Variants in PCNX1 observed in about 807,000 individuals in gnomAD.
PCNX1 encodes pecanex 1.
Under a neutral mutation model 242.2 loss-of-function variants are expected in PCNX1, and 78 were observed. The ratio of observed to expected loss-of-function variants is 0.32; its 90% CI spans 0.27 to 0.39. The LOEUF (loss-of-function observed/expected upper bound fraction) is 0.39, where lower values mean the gene tolerates loss of function less well. PCNX1 is among the 10% of genes least tolerant of loss of function. The pLI is 1.00. For missense variants in PCNX1, 2,581 were observed against 2,856.5 expected (o/e 0.90, Z 2.20); for synonymous variants, 1,024 against 1,032.9 (o/e 0.99, Z 0.17).
rs375891373 is a variant in PCNX1, at chr14:70,917,089, C to T, written c.153+9086C>T. ...GTTGTGTCATGAGATTACAGCAATC[C>T]AGTCACATCTTCAGGCTCTACTTCC... is the stretch of plus-strand genomic sequence containing the variant. On this transcript the variant is annotated intron_variant, in intron 1 of 35. Transcript: ENST00000304743. 4.6e-5 allele frequency among the ~76,000 whole-genome samples: 7 copies of T among 152,342 alleles called. No homozygotes were observed. In the East Asian group the frequency reaches 5.8e-4, roughly 13 times the overall value.
rs2058738474 is a variant in PCNX1, at chr14:70,978,229, A to G, written c.1892A>G (p.His631Arg). The change falls in exon 6 of 36, where the codon CAT (histidine) becomes CGT (arginine). Residue 631 changes from histidine (H) to arginine (R), a missense_variant. His to Arg is a conservative substitution (Grantham distance 29). Coordinates refer to ENST00000304743, the MANE Select transcript of PCNX1 (RefSeq NM_014982.3). ...GATAGCTCTTCTAGCACCACTTCTC[A>G]TTCCTGTCAGTCTCCTGAGGGCAGA... ...SSDSSSSTTS[H>R]SCQSPEGRYS... The G allele has an allele frequency of 2.5e-6, 4 of 1,613,974 alleles. No homozygotes were observed. In the South Asian group the frequency reaches 3.3e-5, roughly 13 times the overall value.
At chr14:71,074,894 G>A (rs1003349820) in intron 27 of PCNX1, among the ~76,000 whole-genome samples, 8 of 152,004 alleles carry the variant, frequency 5.3e-5, no homozygotes, top group Non-Finnish European at 1.0e-4. Context: ...GTCACTTAGG[G>A]GCTTCCAGGT....
At chr14:71,103,719 T>TA (rs1271994142) in intron 32 of PCNX1, 50 bp downstream of exon 32, 4 of 1,566,704 alleles carry the variant, frequency 2.6e-6, no homozygotes, top group Non-Finnish European at 3.5e-6. Context: ...CTGACCCTCT[T>TA]AATCTAGGCA....
chr14:71,109,760 C>T (rs746785384), intron 35 of PCNX1, 35 bp from the exon 36 acceptor site: 3 of 1,610,160 alleles, frequency 1.9e-6, no homozygotes, highest in Non-Finnish European at 8.5e-7. Flanking sequence ...TCCAGGTCTC[C>T]AGTGCTAACT....
intron 30 of PCNX1, among the ~76,000 whole-genome samples, chr14:71,099,787 T>C (rs1467898263): frequency 6.6e-6 from 1 of 152,238 alleles, no homozygotes; most frequent in Non-Finnish European, 1.5e-5. Context: ...GTAGGATAGT[T>C]ATGTCTTCTT....
chr14:71,053,538 G>T (rs1373557411), intron 24 of PCNX1: 4 of 298,346 alleles, frequency 1.3e-5, no homozygotes, highest in Non-Finnish European at 1.3e-5. Context: ...GGCTGGTCTT[G>T]AACTTCTGAG....
At chr14:70,940,799 C>T (rs1000995893) in intron 1 of PCNX1, among the ~76,000 whole-genome samples, 1 of 152,168 alleles carries the variant, frequency 6.6e-6, no homozygotes, top group African/African-American at 2.4e-5. Flanking sequence ...CACATAGTCC[C>T]ATATTTCTTG....
intron 19 of PCNX1, 24 bp downstream of exon 19, chr14:71,036,181 A>T (rs754529553): frequency 6.9e-7 from 1 of 1,447,342 alleles, no homozygotes; most frequent in African/African-American, 1.4e-5. Flanking sequence ...TTCTCCTTTT[A>T]TTTGTTTGTT....
intron 1 of PCNX1, among the ~76,000 whole-genome samples, chr14:70,924,193 C>T (rs185155341): frequency 9.2e-5 from 13 of 142,024 alleles, no homozygotes; most frequent in Middle Eastern, 3.8e-3. Context: ...GATTGTGCCA[C>T]TGCACTCCAG....
intron 1 of PCNX1, among the ~76,000 whole-genome samples, chr14:70,914,030 C>CT (rs1335211168): frequency 6.6e-6 from 1 of 152,086 alleles, no homozygotes; most frequent in Non-Finnish European, 1.5e-5. Context: ...AGATATAACT[C>CT]TTATGTATTA....
intron 16 of PCNX1, among the ~76,000 whole-genome samples, chr14:71,029,713 T>G (rs1010221086): frequency 6.6e-6 from 1 of 152,170 alleles, no homozygotes; most frequent in Non-Finnish European, 1.5e-5. Flanking sequence ...AAACAAGAAA[T>G]GAAGACCCAT....
intron 7 of PCNX1, among the ~76,000 whole-genome samples, chr14:70,992,155 T>G (rs2059184532): frequency 6.6e-6 from 1 of 152,124 alleles, no homozygotes; most frequent in African/African-American, 2.4e-5. Context: ...AGACAAATAT[T>G]TAAAATATTT....
intron 6 of PCNX1, among the ~76,000 whole-genome samples, chr14:70,986,078 C>T (rs756980549): frequency 6.6e-6 from 1 of 152,166 alleles, no homozygotes; most frequent in Non-Finnish European, 1.5e-5. Context: ...CCCTCTTTGG[C>T]TGGAATAGAA....
intron 1 of PCNX1, among the ~76,000 whole-genome samples, chr14:70,920,450 T>C (rs957434024): frequency 2.0e-5 from 3 of 152,230 alleles, no homozygotes; most frequent in Non-Finnish European, 4.4e-5. Flanking sequence ...ATGTATCTTA[T>C]GAGAAAAATT....
chr14:71,021,780 C>T (rs778890765), intron 12 of PCNX1, among the ~76,000 whole-genome samples: 8 of 152,030 alleles, frequency 5.3e-5, no homozygotes, highest in Non-Finnish European at 1.0e-4. Flanking sequence ...TGACTTTATA[C>T]CACCCTCATG....
At chr14:70,925,318 A>G (rs1026272923) in intron 1 of PCNX1, among the ~76,000 whole-genome samples, 2 of 152,198 alleles carry the variant, frequency 1.3e-5, no homozygotes, top group African/African-American at 2.4e-5. Context: ...ATTGTTTTGC[A>G]TGGTACCTTT....
chr14:70,994,019 TAAA>T (rs1210954889), intron 7 of PCNX1, among the ~76,000 whole-genome samples: 2 of 152,190 alleles, frequency 1.3e-5, no homozygotes, highest in African/African-American at 2.4e-5. Context: ...CATTATGGCT[TAAA>T]AAATAATGCC....
Position 70,995,884 on chromosome 14 carries a change from A to AT in PCNX1, c.2589dup (p.Ala864CysfsTer7). 1 of 1,614,134 alleles carries AT rather than the reference A, an allele frequency of 6.2e-7. No individual in the cohort carries two copies. Among genetic ancestry groups the AT allele is most frequent in the Non-Finnish European group, 8.5e-7 (1 of 1,179,974 alleles). ...GTCCACTTAGAAGCATCACATGACA[A>AT]TGCATCTGCTGTAGGCGGTAGCAGT... On this transcript the variant is annotated frameshift_variant, in exon 8 of 36. Transcript: ENST00000304743. LOFTEE classifies it high-confidence loss of function.
At position 71,033,468 on chromosome 14, in the gene PCNX1, A is replaced by C. The variant is rs766037066; in HGVS notation, c.3598A>C (p.Ile1200Leu). 5.0e-6 allele frequency: 8 copies of C among 1,610,040 alleles called. No individual in the cohort carries two copies. The highest frequency in any genetic ancestry group is 6.8e-6 in the Non-Finnish European group (8 of 1,176,698). The change falls in exon 17 of 36, where the codon ATT becomes CTT. Residue 1200 changes from isoleucine to leucine, a missense_variant. Around this residue, in one of 9 missense-constraint regions of PCNX1, gnomAD observed 432 missense variants for 443.1 expected, o/e 0.97. Transcript: ENST00000304743. ...DGQHIPVLFSIFCGLLVAVSY... is the reference protein window; with the variant it reads ...DGQHIPVLFSLFCGLLVAVSY... ...CCAGCATATTCCAGTACTTTTCTCC[A>C]TTTTTTGTGGTTTATTAGTGGCAGT...
Sources: gnomAD v4.1 joint callset for allele counts (sites outside exome capture counted in the v4.1 genomes callset) on GRCh38, gnomAD v4.1.1 for gene constraint, gnomAD v4.1.1 regional missense constraint, MANE v1.5 for transcripts, NCBI Gene and HGNC (gene_info 2026-07-23, HGNC 2026-07-21) for gene names.